Variants in QTMAN observed in about 807,000 individuals in gnomAD.
The protein encoded by QTMAN is queuosine-tRNA mannosyltransferase, also known as tRNA-queuosine alpha-mannosyltransferase.
chr2:144,309,400 T>C, the QTMAN span, among the ~76,000 whole-genome samples: 1 of 152,112 alleles, frequency 6.6e-6, no homozygotes, highest in African/African-American at 2.4e-5. Flanking sequence ...GATAAGCAAA[T>C]TGTGAGCACA....
the QTMAN span, among the ~76,000 whole-genome samples, chr2:144,051,268 T>C: frequency 6.6e-6 from 1 of 152,136 alleles, no homozygotes. Context: ...TGTTGGCTCA[T>C]ACCTATAACC....
At chr2:144,061,211 C>T in the QTMAN span, among the ~76,000 whole-genome samples, 10 of 152,056 alleles carry the variant, frequency 6.6e-5, no homozygotes, top group Admixed American at 3.3e-4. Context: ...CTTGGAAGTT[C>T]GAGAAAACAA....
chr2:144,066,909 C>T, the QTMAN span, among the ~76,000 whole-genome samples: 1 of 152,220 alleles, frequency 6.6e-6, no homozygotes, highest in Non-Finnish European at 1.5e-5. Context: ...CCATGGTCTT[C>T]TCTATCCTTC....
the QTMAN span, among the ~76,000 whole-genome samples, chr2:144,083,778 A>C: frequency 9.4e-5 from 14 of 148,732 alleles, no homozygotes; most frequent in African/African-American, 3.6e-4. Context: ...TGGATACATC[A>C]AGGAACCTCG....
At chr2:144,257,652 A>G in the QTMAN span, among the ~76,000 whole-genome samples, 2 of 152,162 alleles carry the variant, frequency 1.3e-5, no homozygotes, top group African/African-American at 4.8e-5. Context: ...TAGAAGTGCA[A>G]ATTTATCACT....
chr2:144,224,945 C>A, the QTMAN span, among the ~76,000 whole-genome samples: 1 of 151,960 alleles, frequency 6.6e-6, no homozygotes, highest in Non-Finnish European at 1.5e-5. Flanking sequence ...AAAGAGGGAC[C>A]AATAGCAAGT....
the QTMAN span, among the ~76,000 whole-genome samples, chr2:144,323,596 G>A: frequency 6.6e-6 from 1 of 152,130 alleles, no homozygotes; most frequent in East Asian, 1.9e-4. Context: ...TCCTGAAAGG[G>A]TCTCAGTGAT....
chr2:144,061,908 T>C, the QTMAN span, among the ~76,000 whole-genome samples: 7 of 152,066 alleles, frequency 4.6e-5, no homozygotes, highest in Middle Eastern at 3.4e-3. Context: ...AGAGAGGAGA[T>C]TGGCTGCGGG....
the QTMAN span, among the ~76,000 whole-genome samples, chr2:144,313,132 G>A: frequency 6.6e-6 from 1 of 152,076 alleles, no homozygotes; most frequent in Non-Finnish European, 1.5e-5. Context: ...GGAAAAAAAA[G>A]GTCCATTTGG....
the QTMAN span, among the ~76,000 whole-genome samples, chr2:144,324,478 AAACTCGGAGCAGTTACT>A: frequency 1.3e-5 from 2 of 152,218 alleles, no homozygotes; most frequent in African/African-American, 4.8e-5. Flanking sequence ...GAGAAAACTG[AAACTCGGAGCAGTTACT>A]AACTCCCCGC....
the QTMAN span, among the ~76,000 whole-genome samples, chr2:144,318,720 G>T: frequency 3.3e-5 from 5 of 152,262 alleles, no homozygotes; most frequent in East Asian, 9.6e-4. Context: ...AGATTTCAAG[G>T]TAAGTCATGA....
chr2:144,259,059 A>G, the QTMAN span, among the ~76,000 whole-genome samples: 24 of 152,328 alleles, frequency 1.6e-4, no homozygotes, highest in African/African-American at 5.5e-4. Context: ...CTGATCATCC[A>G]GAGATAGGAC....
At chr2:144,330,122 G>C in the QTMAN span, among the ~76,000 whole-genome samples, 1 of 152,132 alleles carries the variant, frequency 6.6e-6, no homozygotes, top group African/African-American at 2.4e-5. Context: ...CATGTGATAG[G>C]ATTTCCCTTC....
the QTMAN span, among the ~76,000 whole-genome samples, chr2:144,225,110 T>G: frequency 6.6e-6 from 1 of 152,172 alleles, no homozygotes; most frequent in South Asian, 2.1e-4. Flanking sequence ...ATCTCCCAGG[T>G]GCAGCAAGTG....
At chr2:144,310,197 G>C in the QTMAN span, among the ~76,000 whole-genome samples, 5 of 152,250 alleles carry the variant, frequency 3.3e-5, no homozygotes, top group South Asian at 1.0e-3. Flanking sequence ...AGTCACCTGG[G>C]GGATGAACAT....
the QTMAN span, among the ~76,000 whole-genome samples, chr2:144,164,540 G>A: frequency 6.6e-6 from 1 of 152,090 alleles, no homozygotes; most frequent in Non-Finnish European, 1.5e-5. Flanking sequence ...CATACAAAAT[G>A]TTACTTATCA....
the QTMAN span, among the ~76,000 whole-genome samples, chr2:144,222,146 G>A: frequency 6.6e-6 from 1 of 151,536 alleles, no homozygotes; most frequent in South Asian, 2.1e-4. Flanking sequence ...TGCAAACTCC[G>A]CCTCCCGGGT....
chr2:144,015,672 G>A, the QTMAN span, among the ~76,000 whole-genome samples: 1 of 152,108 alleles, frequency 6.6e-6, no homozygotes, highest in East Asian at 1.9e-4. Context: ...ATCACAAATG[G>A]GGTATGTTCA....
At chr2:144,058,492 G>C in the QTMAN span, among the ~76,000 whole-genome samples, 180 of 152,176 alleles carry the variant, frequency 1.2e-3, no homozygotes, top group South Asian at 7.1e-3. Flanking sequence ...TCTATTAATA[G>C]GTTATTATAT....
Sources: gnomAD v4.1 joint callset for allele counts (sites outside exome capture counted in the v4.1 genomes callset) on GRCh38, gnomAD v4.1.1 for gene constraint, MANE v1.5 for transcripts, NCBI Gene and HGNC (gene_info 2026-07-23, HGNC 2026-07-21) for gene names.